Variants in ELMO2 observed in about 807,000 individuals in gnomAD.
ELMO2 encodes engulfment and cell motility 2, also known as engulfment and cell motility protein 2.
In ELMO2, 37 loss-of-function variants were observed where a neutral mutation model predicts 96.2. The observed-to-expected ratio is 0.38, with a 90% CI of 0.30 to 0.51. ELMO2 has a LOEUF of 0.51. Ranked by LOEUF, ELMO2 falls within the 20% of genes least tolerant of loss-of-function variation. The probability of loss-of-function intolerance (pLI) is 0.88; values close to 1 mark genes in which losing one functional copy is unlikely to be tolerated. For synonymous variants in ELMO2, 315 were observed against 329.4 expected (o/e 0.96, Z 0.47); for missense variants, 561 against 912.6 (o/e 0.61, Z 4.96).
At position 46,387,374 on chromosome 20, in the gene ELMO2, G is replaced by A; in HGVS notation, c.489C>T (p.Val163=). 1 of 1,614,092 alleles carries A rather than the reference G, an allele frequency of 6.2e-7. No individual in the cohort carries two copies. The change falls in exon 8 of 22, where the codon GTC becomes GTT. Residue 163 remains valine (V), a synonymous_variant. Transcript: ENST00000290246. ...AGGTGATTGAAACCATGTCCCAGGA[G>A]ACAATGCCATGGTCCATGAGCTCTA... ...AFLELMDHGI[V]SWDMVSITFI... is the part of the protein sequence containing the mutation.
chr20:46,377,893 G>A (rs1308908189), intron 11 of ELMO2, among the ~76,000 whole-genome samples: 1 of 151,938 alleles, frequency 6.6e-6, no homozygotes, highest in Non-Finnish European at 1.5e-5. Context: ...CTCTCTCATG[G>A]CCAGGGGCTC....
chr20:46,394,152 C>A, intron 3 of ELMO2, 63 bp from the exon 4 acceptor site: 2 of 1,475,828 alleles, frequency 1.4e-6, no homozygotes, highest in South Asian at 1.1e-5. Flanking sequence ...AAGGTTCTGA[C>A]AAGAGGCCTG....
intron 1 of ELMO2, among the ~76,000 whole-genome samples, chr20:46,399,355 C>A (rs543613846): frequency 6.6e-6 from 1 of 152,184 alleles, no homozygotes; most frequent in Non-Finnish European, 1.5e-5. Flanking sequence ...TCCTGGACTA[C>A]GGGCTATTTC....
Position 46,377,149 on chromosome 20 carries a change from T to C in ELMO2, c.808-1359A>G, listed in dbSNP as rs2059875877. ...TCTCTTTAGACCTGTGAGGTCCAGT[T>C]TGGTAGCCCCCAGGCCCATGAAATG... is the stretch of plus-strand genomic sequence containing the variant. On this transcript the variant is annotated intron_variant, in intron 11 of 21. Transcript: ENST00000290246. Among the ~76,000 whole-genome samples, 3 of 109,320 alleles carry C rather than the reference T, an allele frequency of 2.7e-5. No individual in the cohort carries two copies. In the South Asian group the frequency reaches 1.1e-3, roughly 40 times the overall value. The allele number at this position is 109,320 out of a possible 152,430, so 71.7% of individuals were successfully genotyped here. A position where few individuals can be genotyped will look rare whatever the true frequency, so the allele number is the denominator to read the frequency against.
chr20:46,400,878 C>T (rs1158386045), intron 1 of ELMO2, among the ~76,000 whole-genome samples: 1 of 152,190 alleles, frequency 6.6e-6, no homozygotes, highest in Non-Finnish European at 1.5e-5. Context: ...GCAGTGACTG[C>T]TGCTTCACGG....
chr20:46,374,685 G>T, intron 13 of ELMO2, 45 bp from the exon 14 acceptor site: 2 of 1,576,458 alleles, frequency 1.3e-6, no homozygotes, highest in South Asian at 1.1e-5. Flanking sequence ...CAGTCTCCGT[G>T]TATGCAGGGA....
At chr20:46,372,743 C>T (rs370078492) in intron 16 of ELMO2, 1 of 152,260 alleles carries the variant, frequency 6.6e-6, no homozygotes, top group Non-Finnish European at 1.5e-5. Flanking sequence ...AACAGGATAC[C>T]ACACTGCATG....
rs143533611 is a variant in ELMO2 at position 46,401,435 on chromosome 20, T to C, written c.-125-2664A>G. ...CATGGTAAAAAGCCACAAACTTACATAGAGGCAAAGGTGTGGTGAGAAGGG... is the reference window on the plus strand; with the variant it reads ...CATGGTAAAAAGCCACAAACTTACACAGAGGCAAAGGTGTGGTGAGAAGGG... On this transcript the variant is annotated intron_variant, in intron 1 of 21. Coordinates refer to ENST00000290246, the MANE Select transcript of ELMO2 (RefSeq NM_133171.5). Among the ~76,000 whole-genome samples, 384 of 152,260 alleles carry C rather than the reference T, an allele frequency of 2.5e-3. 7 individuals carry two copies. In the East Asian group the frequency reaches 0.057, roughly 22 times the overall value.
intron 6 of ELMO2, among the ~76,000 whole-genome samples, chr20:46,392,527 A>G (rs1456167086): frequency 1.3e-5 from 2 of 152,198 alleles, no homozygotes; most frequent in African/African-American, 2.4e-5. Context: ...AACATAACAT[A>G]TCTTCCTGCT....
At chr20:46,381,465 A>T (rs1234390744) in intron 10 of ELMO2, among the ~76,000 whole-genome samples, 2 of 152,188 alleles carry the variant, frequency 1.3e-5, no homozygotes, top group Non-Finnish European at 2.9e-5. Flanking sequence ...CTGGATTTCT[A>T]GCCATATTCC....
chr20:46,369,129 G>C (rs2059643348), intron 20 of ELMO2, 161 bp from the exon 21 acceptor site: 1 of 619,620 alleles, frequency 1.6e-6, no homozygotes, highest in Non-Finnish European at 2.8e-6. Context: ...CTGGAGATGA[G>C]GCCCAGCATA....
At chr20:46,393,642 C>G in intron 4 of ELMO2, 41 bp from the exon 5 acceptor site, 1 of 1,601,270 alleles carries the variant, frequency 6.2e-7, no homozygotes, top group Non-Finnish European at 8.5e-7. Flanking sequence ...TGGCCACTCT[C>G]TTGTTCAGAA....
Position 46,403,760 on chromosome 20 carries a change from C to T in ELMO2, c.-126+2788G>A, listed in dbSNP as rs527751402. Among the ~76,000 whole-genome samples the T allele has an allele frequency of 8.4e-3, 1,279 of 152,288 alleles. 6 individuals carry two copies. The highest frequency in any genetic ancestry group is 0.02 in the Middle Eastern group (6 of 294). The stretch of plus-strand genomic sequence containing the variant: ...AAATGGCTTACAACAGTGCTGGTCA[C>T]GTGGTAGATACTCAGTGAGCAATTG... On this transcript the variant is annotated intron_variant, in intron 1 of 21. Coordinates refer to ENST00000290246, the MANE Select transcript of ELMO2 (RefSeq NM_133171.5).
At chr20:46,370,357 C>A (rs969591762) in intron 20 of ELMO2, 86 bp downstream of exon 20, 1 of 1,197,732 alleles carries the variant, frequency 8.3e-7, no homozygotes, top group Non-Finnish European at 1.2e-6. Flanking sequence ...GGGGAAGATG[C>A]CAAGAATGCA....
intron 20 of ELMO2, chr20:46,369,950 ATGGGTATGGGGGTGTGTGTG>A (rs1182178411): frequency 8.5e-6 from 2 of 234,614 alleles, no homozygotes; most frequent in African/African-American, 5.6e-5. Flanking sequence ...TTTAGACAAG[ATGGGTATGGGGGTGTGTGTG>A]TGTGTGTGTG....
chr20:46,373,320 C>G, intron 16 of ELMO2, 79 bp downstream of exon 16: 1 of 1,579,880 alleles, frequency 6.3e-7, no homozygotes, highest in African/African-American at 1.3e-5. Context: ...CAGGGATTCT[C>G]CAGGTGCCAG....
intron 1 of ELMO2, among the ~76,000 whole-genome samples, chr20:46,400,074 G>C (rs973934708): frequency 3.3e-5 from 5 of 152,164 alleles, no homozygotes; most frequent in African/African-American, 1.2e-4. Context: ...GGAGTTCGAG[G>C]CTGCAGTGAA....
rs1016412832 is a variant in ELMO2 at position 46,373,524 on chromosome 20, G to A, written c.1291C>T (p.Arg431Cys). The change falls in exon 16 of 22, where the codon CGC becomes TGC. Residue 431 changes from arginine (R) to cysteine (C), a missense_variant. Coordinates refer to ENST00000290246, the MANE Select transcript of ELMO2 (RefSeq NM_133171.5). ...LQVGELPNEG[R>C]NDYHPMFFTH... ...AAGAACATCGGGTGGTAGTCATTGC[G>A]TCCTTCATTTGCTGTGGAAGTGAAA... 22 of 1,613,968 alleles carry A rather than the reference G, an allele frequency of 1.4e-5. No individual in the cohort carries two copies. Among genetic ancestry groups the A allele is most frequent in the Middle Eastern group, 1.6e-4 (1 of 6,084 alleles).
chr20:46,386,403 G>A, intron 8 of ELMO2, 128 bp from the exon 9 acceptor site: 1 of 1,306,326 alleles, frequency 7.7e-7, no homozygotes, highest in South Asian at 1.4e-5. Flanking sequence ...GGTGGATAGT[G>A]GTATCTGGTT....
Sources: gnomAD v4.1 joint callset for allele counts (sites outside exome capture counted in the v4.1 genomes callset) on GRCh38, gnomAD v4.1.1 for gene constraint, MANE v1.5 for transcripts, NCBI Gene and HGNC (gene_info 2026-07-23, HGNC 2026-07-21) for gene names.